Variants in ERI1 observed in about 807,000 individuals in gnomAD.
ERI1 encodes 3'-5' exoribonuclease 1.
A neutral mutation model predicts 39.7 loss-of-function variants in ERI1; 39 were observed. That is an observed-to-expected ratio of 0.98 (90% CI 0.76 to 1.28). The LOEUF is 1.28. Among genes scored for constraint, ERI1 ranks in the 50% most tolerant of loss-of-function variants. The probability of loss-of-function intolerance (pLI) is 0.00; values close to 1 mark genes in which losing one functional copy is unlikely to be tolerated. For missense variants in ERI1, 581 were observed against 416.9 expected, an observed-to-expected ratio of 1.39 and a Z score of -3.43; for synonymous variants, 204 against 149.6, an observed-to-expected ratio of 1.36 and a Z score of -2.65.
chr8:9,023,793 CTTTTTTTTTTTT>C (rs3083379), intron 6 of ERI1, among the ~76,000 whole-genome samples: 6 of 80,532 alleles, frequency 7.5e-5, no homozygotes, highest in Admixed American at 4.1e-4. Context: ...GTAAAAATGA[CTTTTTTTTTTTT>C]TTTTTTTTTT....
chr8:9,026,049 A>G (rs1221706443), intron 6 of ERI1, among the ~76,000 whole-genome samples: 2 of 152,168 alleles, frequency 1.3e-5, no homozygotes, highest in South Asian at 2.1e-4. Flanking sequence ...TCCTGATGCT[A>G]CCAATAAGCA....
rs1444179298 is a variant in ERI1, at chr8:9,074,280, T to A, written n.300-42068T>A. Among the ~76,000 whole-genome samples the A allele has an allele frequency of 2.6e-5, 4 of 151,802 alleles. No individual in the cohort carries two copies. In the East Asian group the frequency reaches 7.7e-4, roughly 29 times the overall value. ...CACCCGCCACCATGCCTGGCTAATT[T>A]TTTTTTTTTCAGTAGAGACAGAGTT... is the stretch of plus-strand genomic sequence containing the variant. On this transcript the variant is annotated intron_variant and non_coding_transcript_variant, in intron 3 of 3. Transcript: ENST00000518663.
chr8:9,035,292 G>C (rs763527865), downstream of ERI1, among the ~76,000 whole-genome samples: 2 of 152,250 alleles, frequency 1.3e-5, no homozygotes, highest in Non-Finnish European at 1.5e-5. Context: ...ATTCGAAGAA[G>C]ATAACATCTA....
chr8:9,078,391 T>C (rs1026925865), intron 3 of ERI1, among the ~76,000 whole-genome samples: 4 of 151,444 alleles, frequency 2.6e-5, no homozygotes, highest in Admixed American at 6.6e-5. Flanking sequence ...CCTGGGAGAG[T>C]AGTATTCCCA....
chr8:9,095,933 G>A (rs1000876775), intron 3 of ERI1, among the ~76,000 whole-genome samples: 9 of 152,158 alleles, frequency 5.9e-5, no homozygotes, highest in African/African-American at 9.7e-5. Flanking sequence ...AGCCCTCGCC[G>A]CCTAGCTGCA....
intron 3 of ERI1, among the ~76,000 whole-genome samples, chr8:9,082,630 A>G (rs1368319646): frequency 1.3e-5 from 2 of 152,196 alleles, no homozygotes; most frequent in African/African-American, 4.8e-5. Flanking sequence ...GAGGACCTAC[A>G]TCTGGGCTCC....
chr8:9,003,257 C>G (rs1410101793), intron 1 of ERI1, 86 bp downstream of exon 1: 1 of 810,632 alleles, frequency 1.2e-6, no homozygotes, highest in East Asian at 3.4e-5. Flanking sequence ...TCAGGTGTCC[C>G]GCAGAAGGTG....
chr8:9,013,057 C>T (rs1348681020), intron 3 of ERI1, among the ~76,000 whole-genome samples: 1 of 151,854 alleles, frequency 6.6e-6, no homozygotes, highest in Non-Finnish European at 1.5e-5. Context: ...GTCTTGTACC[C>T]AGACTTGAGT....
chr8:9,064,186 G>T (rs1798793711), intron 3 of ERI1, among the ~76,000 whole-genome samples: 2 of 151,602 alleles, frequency 1.3e-5, no homozygotes, highest in South Asian at 2.1e-4. Context: ...GGATCGGGGG[G>T]TTCTTGCCCC....
intron 1 of ERI1, among the ~76,000 whole-genome samples, chr8:9,005,001 T>A (rs1441345396): frequency 2.6e-5 from 4 of 152,156 alleles, no homozygotes; most frequent in Non-Finnish European, 5.9e-5. Context: ...GATACAGTGT[T>A]TTTCAATCTG....
intron 3 of ERI1, among the ~76,000 whole-genome samples, chr8:9,015,044 C>A (rs1462834766): frequency 6.6e-6 from 1 of 152,112 alleles, no homozygotes; most frequent in Non-Finnish European, 1.5e-5. Flanking sequence ...ACCACTTCGG[C>A]CAGGCTGGTC....
At chr8:9,044,745 C>A (rs1798125833) in intron 3 of ERI1, among the ~76,000 whole-genome samples, 1 of 151,944 alleles carries the variant, frequency 6.6e-6, no homozygotes, top group South Asian at 2.1e-4. Flanking sequence ...CATGAAACAC[C>A]ACTGGAGTCT....
chr8:9,053,632 A>AT (rs1798424495), intron 3 of ERI1, among the ~76,000 whole-genome samples: 1 of 152,154 alleles, frequency 6.6e-6, no homozygotes, highest in African/African-American at 2.4e-5. Flanking sequence ...AAACTCCTCA[A>AT]TTTATAGTCA....
At chr8:9,034,363 G>GT (rs565633308), downstream of ERI1, among the ~76,000 whole-genome samples, 1 of 152,138 alleles carries the variant, frequency 6.6e-6, no homozygotes, top group Non-Finnish European at 1.5e-5. Context: ...GTTTTGTTTT[G>GT]TTTTTTAACA....
rs1006830889 is a variant in ERI1, at chr8:9,029,906, C to T, written c.922C>T (p.Arg308Ter). 12 of 1,614,084 alleles carry T rather than the reference C, an allele frequency of 7.4e-6. No homozygotes were observed. The highest frequency in any genetic ancestry group is 1.0e-5 in the Non-Finnish European group (12 of 1,180,020). Residue 308 changes from arginine (R) to a stop codon, truncating the protein, a stop_gained, in exon 7 of 7, where the codon CGA becomes TGA. Coordinates refer to ENST00000250263, the MANE Select transcript of ERI1 (RefSeq NM_153332.4). LOFTEE classifies it high-confidence loss of function. ...TAAGAATATCGCCCGAATAGCAGTTCGAATGCTTCAGGATGGGTGTGAACT... is the reference window on the plus strand; with the variant it reads ...TAAGAATATCGCCCGAATAGCAGTTTGAATGCTTCAGGATGGGTGTGAACT... Reference protein sequence around the residue: ...DSKNIARIAVRMLQDGCELRI... With the variant: ...DSKNIARIAV
At chr8:9,064,551 G>C (rs1798808696) in intron 3 of ERI1, among the ~76,000 whole-genome samples, 1 of 152,174 alleles carries the variant, frequency 6.6e-6, no homozygotes, top group Admixed American at 6.5e-5. Flanking sequence ...ATTAAGAGAA[G>C]TGAGAGATTG....
At chr8:9,027,273 A>AT (rs1797243443) in intron 6 of ERI1, among the ~76,000 whole-genome samples, 1 of 151,508 alleles carries the variant, frequency 6.6e-6, no homozygotes, top group Non-Finnish European at 1.5e-5. Context: ...TTTTCATGTG[A>AT]TTTTTAGCCA....
chr8:9,026,176 G>T lies in ERI1; in HGVS notation c.808-3616G>T, dbSNP rs918102672. On this transcript the variant is annotated intron_variant, in intron 6 of 6. Transcript: ENST00000250263. ...GTGACGTTATGTTGGCCCTCAAAAA[G>T]TTTCGGATTTTAGAGCATTTCAGAT... is the stretch of plus-strand genomic sequence containing the variant. Among the ~76,000 whole-genome samples, 6 of 152,182 alleles carry T rather than the reference G, an allele frequency of 3.9e-5. No homozygotes were observed. The East Asian group carries it at 1.2e-3, about 29-fold the overall frequency.
chr8:9,008,290 A>T (rs1379347599), intron 2 of ERI1, 142 bp downstream of exon 2: 18 of 725,672 alleles, frequency 2.5e-5, no homozygotes, highest in Non-Finnish European at 3.3e-5. Context: ...ACTAATTAAC[A>T]TTTTTTATGT....
Sources: gnomAD v4.1 joint callset for allele counts (sites outside exome capture counted in the v4.1 genomes callset) on GRCh38, gnomAD v4.1.1 for gene constraint, MANE v1.5 for transcripts, NCBI Gene and HGNC (gene_info 2026-07-23, HGNC 2026-07-21) for gene names.